ARHGEF38: variants seen among roughly 807,000 people sequenced by gnomAD.
ARHGEF38 encodes the protein Rho guanine nucleotide exchange factor (GEF) 38.
In ARHGEF38, 79 loss-of-function variants were observed where a neutral mutation model predicts 79.9. The ratio of observed to expected loss-of-function variants is 0.99; its 90% CI spans 0.82 to 1.19. ARHGEF38 has a LOEUF of 1.19. Ranked by LOEUF, ARHGEF38 falls within the 50% of genes most tolerant of loss-of-function variation. ARHGEF38 has a pLI of 0.00. For missense variants in ARHGEF38, 962 were observed against 907.2 expected (o/e 1.06, Z -0.78); for synonymous variants, 366 against 328.3 (o/e 1.11, Z -1.24).
In ARHGEF38 at chr4:105,654,021, T is replaced by C. The variant is rs771674759; in HGVS notation, c.1009-44T>C. 11 of 1,163,214 alleles carry C rather than the reference T, an allele frequency of 9.5e-6. 1 individual carries two copies. The South Asian group carries it at 1.5e-4, about 16-fold the overall frequency. The allele number at this position is 1,163,214 out of a possible 1,614,324, so 72.1% of individuals were successfully genotyped here. On this transcript the variant is annotated intron_variant, in intron 7 of 13. Transcript: ENST00000420470. ...ATGGTCTGTGCTATTTTAAAAAATA[T>C]CTGTTTCATTTGAGTTATGAAAATA...
At chr4:105,661,353 T>A (rs1053371222) in intron 10 of ARHGEF38, among the ~76,000 whole-genome samples, 1 of 152,072 alleles carries the variant, frequency 6.6e-6, no homozygotes, top group African/African-American at 2.4e-5. Flanking sequence ...GTGGAATTTC[T>A]GGATCATATG....
At chr4:105,659,451 T>G (rs1296472614) in intron 10 of ARHGEF38, 86 bp downstream of exon 10, 4 of 1,295,514 alleles carry the variant, frequency 3.1e-6, no homozygotes, top group African/African-American at 1.5e-5. Flanking sequence ...CTGTTCAGAG[T>G]GTGCACATGT....
At chr4:105,642,342 C>A (rs1729653524) in intron 5 of ARHGEF38, among the ~76,000 whole-genome samples, 2 of 152,072 alleles carry the variant, frequency 1.3e-5, no homozygotes, top group Admixed American at 1.3e-4. Flanking sequence ...TTGAGAACGC[C>A]TTTTTTAGGA....
intron 6 of ARHGEF38, among the ~76,000 whole-genome samples, chr4:105,646,777 C>T (rs1267062137): frequency 6.6e-6 from 1 of 150,810 alleles, no homozygotes; most frequent in Non-Finnish European, 1.5e-5. Context: ...TAAAAATTAA[C>T]TAAATAAAAA....
At chr4:105,638,208 A>T (rs548822577) in intron 5 of ARHGEF38, among the ~76,000 whole-genome samples, 9 of 152,250 alleles carry the variant, frequency 5.9e-5, no homozygotes, top group African/African-American at 1.7e-4. Context: ...ATCAAAAATT[A>T]TCCGTTTTTT....
intron 2 of ARHGEF38, among the ~76,000 whole-genome samples, chr4:105,600,515 C>T (rs970799352): frequency 6.6e-6 from 1 of 152,166 alleles, no homozygotes; most frequent in Non-Finnish European, 1.5e-5. Flanking sequence ...TTGAGGGCTC[C>T]GCCTGTGGTC....
intron 3 of ARHGEF38, among the ~76,000 whole-genome samples, chr4:105,623,536 A>C (rs1215470263): frequency 1.3e-5 from 2 of 152,172 alleles, no homozygotes; most frequent in Non-Finnish European, 2.9e-5. Flanking sequence ...CCAGCCAGCA[A>C]AACTTTCACT....
intron 1 of ARHGEF38, among the ~76,000 whole-genome samples, chr4:105,580,776 T>G (rs1726748443): frequency 6.6e-6 from 1 of 152,026 alleles, no homozygotes; most frequent in Admixed American, 6.6e-5. Flanking sequence ...GCAGTGACAC[T>G]ATTTCAGTTC....
chr4:105,593,557 G>C (rs767472197), intron 2 of ARHGEF38, among the ~76,000 whole-genome samples: 6 of 152,012 alleles, frequency 3.9e-5, no homozygotes, highest in Non-Finnish European at 8.8e-5. Flanking sequence ...CAAATAAACA[G>C]ACAGACAAAA....
At chr4:105,560,653 C>T (rs1167100733) in intron 1 of ARHGEF38, among the ~76,000 whole-genome samples, 3 of 152,144 alleles carry the variant, frequency 2.0e-5, no homozygotes, top group African/African-American at 7.2e-5. Context: ...ATTAATGAAT[C>T]AGAGAATAAA....
intron 1 of ARHGEF38, among the ~76,000 whole-genome samples, chr4:105,580,158 CA>C (rs1164188557): frequency 2.0e-5 from 3 of 151,662 alleles, no homozygotes; most frequent in African/African-American, 7.3e-5. Flanking sequence ...TTAATTTTTT[CA>C]AAAAAACTAG....
chr4:105,593,494 C>T (rs1006388955), intron 2 of ARHGEF38, among the ~76,000 whole-genome samples: 2 of 152,116 alleles, frequency 1.3e-5, no homozygotes, highest in Non-Finnish European at 2.9e-5. Flanking sequence ...GCCATGATCA[C>T]GCCACTGTAC....
intron 1 of ARHGEF38, among the ~76,000 whole-genome samples, chr4:105,562,897 A>T (rs1725705427): frequency 6.6e-6 from 1 of 152,176 alleles, no homozygotes; most frequent in Non-Finnish European, 1.5e-5. Flanking sequence ...CCGAGCTGTG[A>T]TGTGGTCTCA....
intron 3 of ARHGEF38, among the ~76,000 whole-genome samples, chr4:105,621,281 T>C (rs1172092763): frequency 1.3e-5 from 2 of 152,228 alleles, no homozygotes; most frequent in Non-Finnish European, 2.9e-5. Context: ...GGATGGTTTG[T>C]TACATAGCAA....
At chr4:105,646,165 G>C (rs1421950390) in intron 6 of ARHGEF38, among the ~76,000 whole-genome samples, 1 of 151,854 alleles carries the variant, frequency 6.6e-6, no homozygotes, top group African/African-American at 2.4e-5. Flanking sequence ...ATTTATTTTT[G>C]TTTTATTTTC....
At chr4:105,604,999 G>T (rs991176631) in intron 2 of ARHGEF38, among the ~76,000 whole-genome samples, 1 of 152,016 alleles carries the variant, frequency 6.6e-6, no homozygotes, top group African/African-American at 2.4e-5. Context: ...TTTCTGAAAA[G>T]ATTACAAAAT....
chr4:105,589,993 G>A (rs1203393814), intron 2 of ARHGEF38, among the ~76,000 whole-genome samples: 2 of 150,444 alleles, frequency 1.3e-5, no homozygotes, highest in African/African-American at 2.4e-5. Flanking sequence ...GAGCCAAATC[G>A]CGCCATTGCA....
intron 1 of ARHGEF38, among the ~76,000 whole-genome samples, chr4:105,585,889 A>G (rs571869869): frequency 6.6e-6 from 1 of 151,568 alleles, no homozygotes; most frequent in Non-Finnish European, 1.5e-5. Flanking sequence ...GTGCCACCAC[A>G]CCCGGCTAAT....
intron 13 of ARHGEF38, among the ~76,000 whole-genome samples, chr4:105,674,192 A>G (rs1029749650): frequency 6.6e-6 from 1 of 152,174 alleles, no homozygotes; most frequent in Non-Finnish European, 1.5e-5. Context: ...TGGGTAATAA[A>G]TTAGGTATGA....
Sources: allele counts gnomAD v4.1 joint callset (sites outside exome capture counted in the v4.1 genomes callset), GRCh38; gene constraint gnomAD v4.1.1; transcripts MANE v1.5; gene names NCBI Gene and HGNC (gene_info 2026-07-23, HGNC 2026-07-21).